Variants in RTN1 observed in about 807,000 individuals in gnomAD.
The protein encoded by RTN1 is reticulon 1.
Under a neutral mutation model 65.5 loss-of-function variants are expected in RTN1, and 25 were observed. That is an observed-to-expected ratio of 0.38 (90% CI 0.28 to 0.53). The LOEUF (loss-of-function observed/expected upper bound fraction) is 0.53, where lower values mean the gene tolerates loss of function less well. Among genes scored for constraint, RTN1 ranks in the 20% least tolerant of loss-of-function variants. RTN1 has a pLI of 0.79. For missense variants in RTN1, 983 were observed against 1,025.4 expected (o/e 0.96, Z 0.57); for synonymous variants, 471 against 447.6 (o/e 1.05, Z -0.66).
chr14:59,634,698 G>T (rs1378145370), intron 3 of RTN1, among the ~76,000 whole-genome samples: 1 of 152,160 alleles, frequency 6.6e-6, no homozygotes. Flanking sequence ...CACATAAATA[G>T]ATAAATGCAA....
intron 2 of RTN1, among the ~76,000 whole-genome samples, chr14:59,739,556 AT>A (rs11298780): frequency 0.047 from 6,626 of 141,336 alleles, 483 homozygotes; most frequent in African/African-American, 0.18. Flanking sequence ...AAAAAAAAAA[AT>A]GGGAGGGAGG....
intron 3 of RTN1, among the ~76,000 whole-genome samples, chr14:59,707,324 C>G (rs1255705478): frequency 6.6e-6 from 1 of 152,206 alleles, no homozygotes; most frequent in Non-Finnish European, 1.5e-5. Context: ...TTCCAATATT[C>G]TAATTCTATC....
At chr14:59,723,953 A>G (rs556961947) in intron 3 of RTN1, among the ~76,000 whole-genome samples, 170 of 152,362 alleles carry the variant, frequency 1.1e-3, no homozygotes, top group Non-Finnish European at 2.0e-3. Flanking sequence ...GGTTTGGTAA[A>G]TATCACATAA....
chr14:59,830,499 T>C (rs1290105762), intron 1 of RTN1, among the ~76,000 whole-genome samples: 1 of 152,204 alleles, frequency 6.6e-6, no homozygotes, highest in East Asian at 1.9e-4. Flanking sequence ...GGCAGCATCA[T>C]GAGAAAGAAC....
chr14:59,683,502 CT>C (rs1883784448), intron 3 of RTN1, among the ~76,000 whole-genome samples: 1 of 151,572 alleles, frequency 6.6e-6, no homozygotes, highest in South Asian at 2.1e-4. Flanking sequence ...TCTCAAAACA[CT>C]TTGTAATATA....
rs1273835610 is a variant in RTN1 at position 59,825,039 on chromosome 14, G to T, written c.241+45351C>A. On this transcript the variant is annotated intron_variant, in intron 1 of 8. Transcript: ENST00000267484. This position sits in a 1 kb window ranked among gnomAD's most constrained non-coding sequence, Gnocchi z 4.2. ...AAAGGGTAAAAACTTTCAGTTACAA[G>T]ATAAATAAGTTCTGGAAATCTAATG... Among the ~76,000 whole-genome samples, 3 of 152,202 alleles carry T rather than the reference G, an allele frequency of 2.0e-5. No individual in the cohort carries two copies. The highest frequency in any genetic ancestry group is 2.9e-5 in the Non-Finnish European group (2 of 68,028).
rs1182925848 is a variant in RTN1, at chr14:59,846,125, A to G, written c.241+24265T>C. Among the ~76,000 whole-genome samples, 1 of 152,230 alleles carries G rather than the reference A, an allele frequency of 6.6e-6. No individual in the cohort carries two copies. The highest frequency in any genetic ancestry group is 1.5e-5 in the Non-Finnish European group (1 of 68,024). On this transcript the variant is annotated intron_variant, in intron 1 of 8. Transcript: ENST00000267484. This position sits in a 1 kb window ranked among gnomAD's most constrained non-coding sequence, Gnocchi z 4.8. ...GATCATTATAGGATGTCAACCAGGT[A>G]GGAATTGAAGACAAGGTCAACAATG...
intron 3 of RTN1, among the ~76,000 whole-genome samples, chr14:59,669,662 G>A (rs1566679535): frequency 6.6e-6 from 1 of 152,174 alleles, no homozygotes; most frequent in East Asian, 1.9e-4. Flanking sequence ...ATCATGAGGA[G>A]ATGATGATGA....
intron 1 of RTN1, among the ~76,000 whole-genome samples, chr14:59,754,427 C>T (rs953285996): frequency 3.9e-5 from 6 of 152,146 alleles, no homozygotes; most frequent in Non-Finnish European, 7.4e-5. Flanking sequence ...TAGTTCTTAA[C>T]GCTGACTCAT....
chr14:59,786,586 G>C (rs1222415705), intron 1 of RTN1, among the ~76,000 whole-genome samples: 1 of 152,120 alleles, frequency 6.6e-6, no homozygotes, highest in African/African-American at 2.4e-5. Context: ...TTTTCATTTT[G>C]ACAAAGGGCA....
chr14:59,693,244 CAA>C (rs1883997005), intron 3 of RTN1, among the ~76,000 whole-genome samples: 1 of 152,188 alleles, frequency 6.6e-6, no homozygotes, highest in Non-Finnish European at 1.5e-5. Context: ...TGGTTAAAAA[CAA>C]AGATAACTTT....
chr14:59,627,407 A>G (rs1447871831), intron 3 of RTN1, among the ~76,000 whole-genome samples: 1 of 152,228 alleles, frequency 6.6e-6, no homozygotes, highest in African/African-American at 2.4e-5. Context: ...AATGAGGACA[A>G]TAATAAAACT....
intron 1 of RTN1, among the ~76,000 whole-genome samples, chr14:59,839,167 A>G: frequency 6.6e-6 from 1 of 152,216 alleles, no homozygotes; most frequent in East Asian, 1.9e-4. Context: ...ATTCATTTGA[A>G]TAGATAATCT....
intron 1 of RTN1, among the ~76,000 whole-genome samples, chr14:59,762,087 A>G (rs1221352363): frequency 6.6e-6 from 1 of 152,156 alleles, no homozygotes; most frequent in Non-Finnish European, 1.5e-5. Context: ...TGCTGTGGCA[A>G]GACGTGACAG....
At chr14:59,864,722 G>A (rs1887768533) in intron 1 of RTN1, among the ~76,000 whole-genome samples, 1 of 152,032 alleles carries the variant, frequency 6.6e-6, no homozygotes, top group Non-Finnish European at 1.5e-5. Flanking sequence ...CTCTGGAGAG[G>A]GGCAATGGAT....
At chr14:59,640,727 T>G (rs919102239) in intron 3 of RTN1, among the ~76,000 whole-genome samples, 3 of 152,338 alleles carry the variant, frequency 2.0e-5, no homozygotes, top group African/African-American at 7.2e-5. Context: ...TTCTTTCATT[T>G]CTGATATTGT....
intron 3 of RTN1, among the ~76,000 whole-genome samples, chr14:59,672,701 C>T (rs7159592): frequency 0.41 from 57,472 of 139,280 alleles, 12,042 homozygotes; most frequent in African/African-American, 0.52. Flanking sequence ...ACTGCAGTGG[C>T]GCAATCTCGG....
intron 1 of RTN1, among the ~76,000 whole-genome samples, chr14:59,841,606 C>G (rs988219398): frequency 6.6e-6 from 1 of 151,542 alleles, no homozygotes; most frequent in African/African-American, 2.4e-5. Flanking sequence ...ACTTGGGAGG[C>G]TGAGGCAGGA....
At chr14:59,673,144 C>T (rs1445044291) in intron 3 of RTN1, among the ~76,000 whole-genome samples, 1 of 152,150 alleles carries the variant, frequency 6.6e-6, no homozygotes, top group African/African-American at 2.4e-5. Flanking sequence ...GGTAATGTTA[C>T]AGGATCCCTT....
Sources: allele counts gnomAD v4.1 joint callset (sites outside exome capture counted in the v4.1 genomes callset), GRCh38; gene constraint gnomAD v4.1.1; non-coding constraint Gnocchi (gnomAD v3.1); transcripts MANE v1.5; gene names NCBI Gene and HGNC (gene_info 2026-07-23, HGNC 2026-07-21).